Variants in CCDC192 observed in about 807,000 individuals in gnomAD.
The protein encoded by CCDC192 is coiled-coil domain-containing protein 192.
At chr5:127,892,155 C>T (rs1001267944) in intron 6 of CCDC192, among the ~76,000 whole-genome samples, 11 of 152,152 alleles carry the variant, frequency 7.2e-5, no homozygotes, top group African/African-American at 2.4e-4. Flanking sequence ...CAATAATTAT[C>T]ATTTGAAGAT....
intron 5 of CCDC192, among the ~76,000 whole-genome samples, chr5:127,829,628 A>G (rs933344710): frequency 9.9e-5 from 15 of 152,230 alleles, no homozygotes; most frequent in Non-Finnish European, 1.9e-4. Flanking sequence ...ATCTCATAAA[A>G]TATTTGCAAA....
At chr5:127,707,536 AT>A (rs928928467) in intron 1 of CCDC192, among the ~76,000 whole-genome samples, 172 bp from the exon 2 acceptor site, 2 of 152,066 alleles carry the variant, frequency 1.3e-5, no homozygotes, top group Non-Finnish European at 1.5e-5. Flanking sequence ...ACATTCCATT[AT>A]TTTTATTTCC....
chr5:127,752,990 C>T (rs1754316345), intron 2 of CCDC192, among the ~76,000 whole-genome samples: 1 of 152,182 alleles, frequency 6.6e-6, no homozygotes, highest in Admixed American at 6.5e-5. Flanking sequence ...GTGTGCGCAC[C>T]CACTGACCTG....
At chr5:127,715,206 AT>A (rs1208773426) in intron 2 of CCDC192, among the ~76,000 whole-genome samples, 3 of 152,126 alleles carry the variant, frequency 2.0e-5, no homozygotes, top group African/African-American at 7.2e-5. Flanking sequence ...ACCCATACCA[AT>A]CTCACAAAGT....
chr5:127,737,276 T>G, intron 2 of CCDC192, among the ~76,000 whole-genome samples: 1 of 152,246 alleles, frequency 6.6e-6, no homozygotes, highest in South Asian at 2.1e-4. Context: ...CTAGTTTGAT[T>G]GCACTGTGGT....
chr5:127,880,706 A>G (rs937095136), intron 6 of CCDC192, among the ~76,000 whole-genome samples: 8 of 152,088 alleles, frequency 5.3e-5, no homozygotes, highest in Non-Finnish European at 1.0e-4. Context: ...TAGGCCAGGC[A>G]CGGTGGCTCA....
In CCDC192 at chr5:127,893,677, A is replaced by G. The variant is rs370698901; in HGVS notation, c.535+18016A>G. Among the ~76,000 whole-genome samples, 9 of 152,378 alleles carry G rather than the reference A, an allele frequency of 5.9e-5. No homozygotes were observed. In the East Asian group the frequency reaches 1.5e-3, roughly 26 times the overall value. ...TCAACATGACAAAGGATAGTTTAAC[A>G]TAAGGGACAGAAATCTGATAAACAT... On this transcript the variant is annotated intron_variant, in intron 6 of 6. Transcript: ENST00000514853.
In CCDC192 at chr5:127,747,555, C is replaced by T. The variant is rs775404437; in HGVS notation, c.115-6713C>T. Among the ~76,000 whole-genome samples, 70 of 151,870 alleles carry T rather than the reference C, an allele frequency of 4.6e-4. No homozygotes were observed. In the East Asian group the frequency reaches 0.01, roughly 23 times the overall value. On this transcript the variant is annotated intron_variant, in intron 2 of 6. Transcript: ENST00000514853. Reference sequence around the variant, plus strand: ...AAGTCTTTGCTATTGTGAATAATGCCGCAATAAACATACGTGTGCATGTGT... The same window carrying T: ...AAGTCTTTGCTATTGTGAATAATGCTGCAATAAACATACGTGTGCATGTGT...
chr5:127,757,003 T>G (rs890571265), intron 3 of CCDC192, among the ~76,000 whole-genome samples: 2 of 152,250 alleles, frequency 1.3e-5, no homozygotes, highest in Non-Finnish European at 2.9e-5. Flanking sequence ...GTATTTATTT[T>G]TTCAGTAATA....
At chr5:127,749,545 G>A (rs900638388) in intron 2 of CCDC192, among the ~76,000 whole-genome samples, 5 of 151,888 alleles carry the variant, frequency 3.3e-5, no homozygotes, top group Admixed American at 3.3e-4. Flanking sequence ...TTGCATCAAT[G>A]TTCATCAAGG....
chr5:127,925,598 CA>C (rs960551033), intron 6 of CCDC192, among the ~76,000 whole-genome samples: 8 of 151,982 alleles, frequency 5.3e-5, no homozygotes, highest in African/African-American at 7.2e-5. Flanking sequence ...GCAAGTAGCA[CA>C]AAAAAAGTTG....
At chr5:127,919,969 G>C (rs1328908610) in intron 6 of CCDC192, among the ~76,000 whole-genome samples, 1 of 152,128 alleles carries the variant, frequency 6.6e-6, no homozygotes, top group Non-Finnish European at 1.5e-5. Flanking sequence ...TACTTTCTGT[G>C]GCACATCATT....
intron 5 of CCDC192, among the ~76,000 whole-genome samples, chr5:127,799,521 G>T (rs564230341): frequency 2.0e-5 from 3 of 152,106 alleles, no homozygotes; most frequent in South Asian, 4.1e-4. Flanking sequence ...AGGATGTCCC[G>T]TCACGACATT....
chr5:127,839,238 T>C (rs1750168157), intron 5 of CCDC192, among the ~76,000 whole-genome samples: 1 of 152,150 alleles, frequency 6.6e-6, no homozygotes. Flanking sequence ...ACAGTACAAC[T>C]CCACAAGAGG....
chr5:127,821,415 CAA>C (rs1441383788), intron 5 of CCDC192, among the ~76,000 whole-genome samples: 1 of 152,138 alleles, frequency 6.6e-6, no homozygotes, highest in Non-Finnish European at 1.5e-5. Flanking sequence ...TCAGGAAATC[CAA>C]AAAGTCATCC....
In CCDC192 at chr5:127,849,794, C is replaced by A. The variant is rs548830093; in HGVS notation, c.412-25744C>A. ...TCCTGTTTCCTAAACTAAATCAAGA[C>A]TTACAGCTCAGGATCCAGCCTGAGA... is the stretch of plus-strand genomic sequence containing the variant. On this transcript the variant is annotated intron_variant, in intron 5 of 6. Coordinates refer to ENST00000514853, the MANE Select transcript of CCDC192 (RefSeq NM_001317938.2). Among the ~76,000 whole-genome samples, 115 of 152,330 alleles carry A rather than the reference C, an allele frequency of 7.5e-4. 1 individual carries two copies. Among genetic ancestry groups the A allele is most frequent in the Non-Finnish European group, 1.3e-3 (91 of 68,028 alleles).
chr5:127,789,556 C>A (rs1406927626), intron 3 of CCDC192, among the ~76,000 whole-genome samples: 1 of 152,188 alleles, frequency 6.6e-6, no homozygotes, highest in African/African-American at 2.4e-5. Flanking sequence ...TGTTTCTAAG[C>A]AAAGTGTTGA....
At chr5:127,850,973 A>C (rs1465407061) in intron 5 of CCDC192, among the ~76,000 whole-genome samples, 1 of 152,018 alleles carries the variant, frequency 6.6e-6, no homozygotes, top group African/African-American at 2.4e-5. Flanking sequence ...CTTGAAAAAC[A>C]ACAACAACAA....
intron 2 of CCDC192, among the ~76,000 whole-genome samples, chr5:127,752,337 G>C (rs1754237974): frequency 6.6e-6 from 1 of 152,144 alleles, no homozygotes; most frequent in Admixed American, 6.5e-5. Flanking sequence ...TAACAGACAG[G>C]ACCCTCAGCT....
Sources: allele counts gnomAD v4.1 joint callset (sites outside exome capture counted in the v4.1 genomes callset), GRCh38; gene constraint gnomAD v4.1.1; transcripts MANE v1.5; gene names NCBI Gene and HGNC (gene_info 2026-07-23, HGNC 2026-07-21).